Variants in TSHZ3 observed in about 807,000 individuals in gnomAD.
TSHZ3 encodes the protein teashirt zinc finger homeobox 3.
TSHZ3 carries 10 observed loss-of-function variants against 64.5 expected under a neutral mutation model. The ratio of observed to expected loss-of-function variants is 0.16; its 90% CI spans 0.10 to 0.26. The LOEUF (loss-of-function observed/expected upper bound fraction) is 0.26, where lower values mean the gene tolerates loss of function less well. Ranked by LOEUF, TSHZ3 falls within the 10% of genes least tolerant of loss-of-function variation. The pLI, the probability that TSHZ3 is intolerant of heterozygous loss-of-function variation, is 1.00. For synonymous variants in TSHZ3, 608 were observed against 593.1 expected, an observed-to-expected ratio of 1.03 and a Z score of -0.36; for missense variants, 1,242 against 1,421.7, an observed-to-expected ratio of 0.87 and a Z score of 2.03.
At chr19:31,231,634 C>T (rs1460425118) in intron 3 of TSHZ3, among the ~76,000 whole-genome samples, 1 of 152,182 alleles carries the variant, frequency 6.6e-6, no homozygotes, top group Non-Finnish European at 1.5e-5. Flanking sequence ...ATTTATAAAA[C>T]TTGCCTGTAA....
intron 1 of TSHZ3, among the ~76,000 whole-genome samples, chr19:31,326,848 T>C (rs1191949598): frequency 3.9e-5 from 6 of 152,174 alleles, no homozygotes; most frequent in East Asian, 1.9e-4. Flanking sequence ...TTCAAATAAA[T>C]ATCCTCCCCA....
chr19:31,202,932 G>A (rs957883005), intron 5 of TSHZ3, among the ~76,000 whole-genome samples: 2 of 152,074 alleles, frequency 1.3e-5, no homozygotes, highest in Non-Finnish European at 2.9e-5. Flanking sequence ...GATGGAGATG[G>A]GACAGACACC....
In TSHZ3 at chr19:31,349,412, A is replaced by G. The variant is rs2021632784; in HGVS notation, c.-193T>C. ...CCCCCCGCGCCGCGCTCCGCCGCGA[A>G]CCCCGAACGTGCGGAGGGAAGAAGG... is the stretch of plus-strand genomic sequence containing the variant. On this transcript the variant is annotated 5_prime_UTR_variant, in exon 1 of 2. Transcript: ENST00000240587. The G allele has an allele frequency of 8.0e-6, 3 of 377,028 alleles. No homozygotes were observed. Among genetic ancestry groups the G allele is most frequent in the Middle Eastern group, 7.5e-4 (1 of 1,326 alleles). 23.4% of individuals were successfully genotyped at this position (377,028 alleles called of 1,614,324 possible).
chr19:31,267,869 G>T (rs1441695642), intron 1 of TSHZ3, among the ~76,000 whole-genome samples: 1 of 152,200 alleles, frequency 6.6e-6, no homozygotes, highest in Non-Finnish European at 1.5e-5. Flanking sequence ...GGAGAGAGCA[G>T]AGTGAAGGTT....
chr19:31,217,473 T>TA (rs373385620), intron 4 of TSHZ3, among the ~76,000 whole-genome samples: 3 of 151,344 alleles, frequency 2.0e-5, no homozygotes, highest in African/African-American at 7.3e-5. Flanking sequence ...AATTTACCTT[T>TA]AAAAAAAAAT....
intron 1 of TSHZ3, among the ~76,000 whole-genome samples, chr19:31,259,731 A>C (rs898603527): frequency 1.1e-4 from 16 of 152,100 alleles, no homozygotes; most frequent in Non-Finnish European, 2.4e-4. Context: ...TGTAGACGGC[A>C]GCTGTCACTG....
intron 3 of TSHZ3, among the ~76,000 whole-genome samples, chr19:31,238,597 A>T (rs1975650783): frequency 6.6e-6 from 1 of 152,096 alleles, no homozygotes; most frequent in African/African-American, 2.4e-5. Context: ...ACATATTTAA[A>T]ATTGTTCTAC....
intron 1 of TSHZ3, among the ~76,000 whole-genome samples, chr19:31,336,827 CAATA>C (rs1917259453): frequency 6.6e-6 from 1 of 152,130 alleles, no homozygotes; most frequent in South Asian, 2.1e-4. Context: ...TTCAAGCAAA[CAATA>C]AATATTACTT....
At chr19:31,197,932 G>A (rs1599576460) in intron 5 of TSHZ3, among the ~76,000 whole-genome samples, 1 of 151,962 alleles carries the variant, frequency 6.6e-6, no homozygotes, top group Non-Finnish European at 1.5e-5. Context: ...AGGAAATATT[G>A]TCTAACTCAT....
chr19:31,306,602 C>T (rs1010504288), intron 1 of TSHZ3, among the ~76,000 whole-genome samples: 8 of 152,086 alleles, frequency 5.3e-5, no homozygotes, highest in Admixed American at 5.2e-4. Flanking sequence ...TGTGTAAAAC[C>T]AGAATTCCTA....
upstream of TSHZ3, among the ~76,000 whole-genome samples, chr19:31,349,824 G>A (rs1311995603): frequency 4.0e-5 from 6 of 149,348 alleles, no homozygotes; most frequent in East Asian, 1.0e-3. Context: ...TGGCGCGGCT[G>A]GAGCGGCGGC....
At position 31,276,674 on chromosome 19, in the gene TSHZ3, G is replaced by T. The variant is rs1976239081; in HGVS notation, c.3119C>A (p.Ser1040Tyr). The change falls in exon 2 of 2, where the codon TCC (serine) becomes TAC (tyrosine). Residue 1040 changes from serine (S) to tyrosine (Y), a missense_variant. Physicochemically the swap from Ser to Tyr is moderately radical, Grantham distance 144. Transcript: ENST00000240587. The part of the protein sequence containing the change: ...TSSPEEDLGT[S>Y]YQCKLCNRTF... ...CCGATTGCAAAGTTTGCACTGATAG[G>T]AAGTCCCCAGGTCTTCCTCGGGGGA... The T allele has an allele frequency of 1.2e-6, 2 of 1,613,798 alleles. No individual in the cohort carries two copies. The highest frequency in any genetic ancestry group is 1.7e-6 in the Non-Finnish European group (2 of 1,179,732).
intron 4 of TSHZ3, among the ~76,000 whole-genome samples, chr19:31,226,974 TTTC>T (rs1404198692): frequency 1.6e-4 from 17 of 105,466 alleles, no homozygotes; most frequent in African/African-American, 3.5e-4. Context: ...TCTTTCTTTC[TTTC>T]TTTTTTTTTT....
At chr19:31,299,078 C>T (rs1179554922) in intron 1 of TSHZ3, among the ~76,000 whole-genome samples, 3 of 152,152 alleles carry the variant, frequency 2.0e-5, no homozygotes, top group Non-Finnish European at 4.4e-5. Context: ...GCCTGTAGTC[C>T]CAGCTACTGG....
At chr19:31,327,674 T>C (rs1568382624) in intron 1 of TSHZ3, among the ~76,000 whole-genome samples, 1 of 152,168 alleles carries the variant, frequency 6.6e-6, no homozygotes, top group Non-Finnish European at 1.5e-5. Context: ...CATATAAATA[T>C]ACAGTGTATA....
chr19:31,279,433 G>A lies in TSHZ3; in HGVS notation c.360C>T (p.Ala120=), dbSNP rs765403965. 9.3e-6 allele frequency: 15 copies of A among 1,614,200 alleles called. No homozygotes were observed. The highest frequency in any genetic ancestry group is 1.6e-4 in the Middle Eastern group (1 of 6,062). The change falls in exon 2 of 2, where the codon GCC becomes GCT. Residue 120 remains alanine (A), a synonymous_variant. Coordinates refer to ENST00000240587, the MANE Select transcript of TSHZ3 (RefSeq NM_020856.4). This position sits in a 1 kb window ranked among gnomAD's most constrained non-coding sequence, Gnocchi z 6.4. ...AGTTGGAGAGGAAGTTGTTGTACAC[G>A]GCCTTCATCTGCTCCAGGCTATCCG... The part of the protein sequence containing the change: ...TVSDSLEQMK[A]VYNNFLSNSY...
intron 1 of TSHZ3, among the ~76,000 whole-genome samples, chr19:31,292,365 C>A (rs569811224): frequency 6.6e-6 from 1 of 152,252 alleles, no homozygotes; most frequent in South Asian, 2.1e-4. Context: ...CCTGCCTATA[C>A]ACTTGGTGAT....
intron 6 of TSHZ3, among the ~76,000 whole-genome samples, chr19:31,156,273 T>C (rs933531634): frequency 6.6e-6 from 1 of 152,226 alleles, no homozygotes; most frequent in African/African-American, 2.4e-5. Flanking sequence ...TCAATAAATA[T>C]TGTTAACTGA....
chr19:31,227,202 A>C (rs1174970857), intron 4 of TSHZ3, among the ~76,000 whole-genome samples: 1 of 151,088 alleles, frequency 6.6e-6, no homozygotes, highest in Non-Finnish European at 1.5e-5. Context: ...CTGGTCTCGA[A>C]CCCCTGACCT....
Sources: gnomAD v4.1 joint callset for allele counts (sites outside exome capture counted in the v4.1 genomes callset) on GRCh38, gnomAD v4.1.1 for gene constraint, Gnocchi (gnomAD v3.1) non-coding constraint, MANE v1.5 for transcripts, NCBI Gene and HGNC (gene_info 2026-07-23, HGNC 2026-07-21) for gene names.